Variants in PCDHGA7 observed in about 807,000 individuals in gnomAD.
PCDHGA7 encodes the protein protocadherin gamma subfamily A, 7.
PCDHGA7 carries 44 observed loss-of-function variants against 58.3 expected under a neutral mutation model. That is an observed-to-expected ratio of 0.75 (90% CI 0.59 to 0.97). The LOEUF is 0.97. PCDHGA7 is among the 50% of genes least tolerant of loss of function. The probability of loss-of-function intolerance (pLI) is 0.00; values close to 1 mark genes in which losing one functional copy is unlikely to be tolerated. For synonymous variants in PCDHGA7, 516 were observed against 504.2 expected (o/e 1.02, Z -0.31); for missense variants, 1,266 against 1,188.7 (o/e 1.06, Z -0.96).
rs958046112 is a variant in PCDHGA7 at position 141,382,988 on chromosome 5, G to A, written c.89G>A (p.Arg30His). 1 of 1,613,208 alleles carries A rather than the reference G, an allele frequency of 6.2e-7. No homozygotes were observed. The highest frequency in any genetic ancestry group is 2.2e-5 in the East Asian group (1 of 44,860). Residue 30 changes from arginine to histidine, a missense_variant, in exon 1 of 4, where the codon CGT (arginine) becomes CAT (histidine). Physicochemically the swap from Arg to His is conservative, Grantham distance 29. Transcript: ENST00000518325. ...LGTPWEAWAG[R>H]ILYSVSEETD... ...ACCCCCTGGGAAGCCTGGGCAGGACGTATTCTCTACTCCGTGTCGGAGGAG... is the reference window on the plus strand; with the variant it reads ...ACCCCCTGGGAAGCCTGGGCAGGACATATTCTCTACTCCGTGTCGGAGGAG...
intron 1 of PCDHGA7, chr5:141,421,696 A>G: frequency 6.2e-7 from 1 of 1,613,886 alleles, no homozygotes; most frequent in Non-Finnish European, 8.5e-7. Context: ...TGCTCTTCCT[A>G]ATGCTAGGGA....
At chr5:141,505,563 T>C in intron 3 of PCDHGA7, 82 bp downstream of exon 3, 1 of 1,603,814 alleles carries the variant, frequency 6.2e-7, no homozygotes, top group Non-Finnish European at 8.5e-7. Flanking sequence ...GCCCACGGAC[T>C]GGATGTCAAA....
intron 1 of PCDHGA7, among the ~76,000 whole-genome samples, chr5:141,467,790 C>T (rs1321576171): frequency 6.6e-6 from 1 of 152,118 alleles, no homozygotes; most frequent in Non-Finnish European, 1.5e-5. Context: ...TCTCAAGTAG[C>T]TGGGACTACA....
intron 1 of PCDHGA7, among the ~76,000 whole-genome samples, chr5:141,467,882 C>T (rs1278937609): frequency 6.6e-6 from 1 of 152,036 alleles, no homozygotes; most frequent in East Asian, 1.9e-4. Context: ...TGGTCTCAAA[C>T]TCCTGAGCTC....
At chr5:141,447,182 C>G (rs1205769161) in intron 1 of PCDHGA7, among the ~76,000 whole-genome samples, 1 of 152,126 alleles carries the variant, frequency 6.6e-6, no homozygotes, top group Non-Finnish European at 1.5e-5. Flanking sequence ...TCTTGTCGCG[C>G]AGGCTGGAGT....
chr5:141,476,098 G>A lies in PCDHGA7; in HGVS notation c.2425-18709G>A, dbSNP rs1241353656. The A allele has an allele frequency of 4.5e-6, 7 of 1,573,026 alleles. No homozygotes were observed. Among genetic ancestry groups the A allele is most frequent in the Non-Finnish European group, 6.0e-6 (7 of 1,163,102 alleles). ...AGGGACGATCTGGACCCCGCTGAGA[G>A]GAACTGCTTTTGAGTGAGATGGTCC... On this transcript the variant is annotated intron_variant, in intron 1 of 3. Transcript: ENST00000518325. This position sits in a 1 kb window ranked among gnomAD's most constrained non-coding sequence, Gnocchi z 7.6.
At chr5:141,506,805 G>A (rs1314432893) in intron 3 of PCDHGA7, among the ~76,000 whole-genome samples, 1 of 152,172 alleles carries the variant, frequency 6.6e-6, no homozygotes, top group African/African-American at 2.4e-5. Flanking sequence ...GAGGATCAAG[G>A]CATTGCCCTA....
At chr5:141,428,003 C>T in intron 1 of PCDHGA7, 1 of 1,601,362 alleles carries the variant, frequency 6.2e-7, no homozygotes, top group East Asian at 2.2e-5. Flanking sequence ...CCGCACTCTT[C>T]GATATAGTGC....
At chr5:141,423,415 G>A (rs779262475) in intron 1 of PCDHGA7, 103 of 1,614,016 alleles carry the variant, frequency 6.4e-5, no homozygotes, top group African/African-American at 1.2e-4. Context: ...GCAGGCTTCT[G>A]AAGGCGGGTT....
At chr5:141,465,923 C>G (rs908350232) in intron 1 of PCDHGA7, among the ~76,000 whole-genome samples, 2 of 152,062 alleles carry the variant, frequency 1.3e-5, no homozygotes, top group African/African-American at 4.8e-5. Flanking sequence ...GATTTCGAGT[C>G]CATCCTGGCT....
At chr5:141,428,362 G>T (rs868168419) in intron 1 of PCDHGA7, 2 of 556,756 alleles carry the variant, frequency 3.6e-6, no homozygotes, top group Non-Finnish European at 6.6e-6. Context: ...TTTGGCGGTC[G>T]CCTTGCACCT....
At position 141,383,729 on chromosome 5, in the gene PCDHGA7, TGA is replaced by T. The variant is rs1406908014; in HGVS notation, c.831_832del (p.Thr278IlefsTer9). Reference sequence around the variant, plus strand: ...CTGGACGAGGGAGTCAATGGGGAAGTGACATATTCTTTTCGGAAAATAACTCC... The same window carrying T: ...CTGGACGAGGGAGTCAATGGGGAAGTCATATTCTTTTCGGAAAATAACTCC... On this transcript the variant is annotated frameshift_variant, in exon 1 of 4. Transcript: ENST00000518325. LOFTEE classifies it high-confidence loss of function. 1.9e-6 allele frequency: 3 copies of T among 1,613,866 alleles called. No homozygotes were observed. The highest frequency in any genetic ancestry group is 2.5e-6 in the Non-Finnish European group (3 of 1,179,882).
rs888389135 is a variant in PCDHGA7 at position 141,487,089 on chromosome 5, C to T, written c.2425-7718C>T. 12 of 1,613,882 alleles carry T rather than the reference C, an allele frequency of 7.4e-6. No individual in the cohort carries two copies. Among genetic ancestry groups the T allele is most frequent in the Non-Finnish European group, 1.0e-5 (12 of 1,179,768 alleles). On this transcript the variant is annotated intron_variant, in intron 1 of 3. Coordinates refer to ENST00000518325, the MANE Select transcript of PCDHGA7 (RefSeq NM_018920.4). The surrounding 1 kb of genome is among the most constrained non-coding windows in gnomAD (Gnocchi z 5.0). The stretch of plus-strand genomic sequence containing the variant: ...GCTGTTCCTATCCCAGCTGACCTCC[C>T]ACCACAGAAGCTGGTCATTGTGGTA...
chr5:141,487,695 C>T lies in PCDHGA7; in HGVS notation c.2425-7112C>T, dbSNP rs1345224043. The stretch of plus-strand genomic sequence containing the variant: ...TGGCTAGGCCATGTCCTAGAGAGTA[C>T]TGGCCTCTCAGTAAGTGCCCATAGT... On this transcript the variant is annotated intron_variant, in intron 1 of 3. Coordinates refer to ENST00000518325, the MANE Select transcript of PCDHGA7 (RefSeq NM_018920.4). The surrounding 1 kb of genome is among the most constrained non-coding windows in gnomAD (Gnocchi z 5.0). 2 of 1,601,306 alleles carry T rather than the reference C, an allele frequency of 1.2e-6. No individual in the cohort carries two copies. Among genetic ancestry groups the T allele is most frequent in the East Asian group, 2.2e-5 (1 of 44,606 alleles).
rs1591227595 is a variant in PCDHGA7 at position 141,432,858 on chromosome 5, T to C, written c.2424+47535T>C. ...TACCTGGTGGTAGCGGTGGCCGCGG[T>C]CTCCTGCGTCTTCCTGGCCTTCGTC... On this transcript the variant is annotated intron_variant, in intron 1 of 3. Coordinates refer to ENST00000518325, the MANE Select transcript of PCDHGA7 (RefSeq NM_018920.4). This position sits in a 1 kb window ranked among gnomAD's most constrained non-coding sequence, Gnocchi z 6.0. The C allele has an allele frequency of 1.2e-6, 2 of 1,614,140 alleles. No individual in the cohort carries two copies. Among genetic ancestry groups the C allele is most frequent in the Non-Finnish European group, 8.5e-7 (1 of 1,179,996 alleles).
At chr5:141,468,802 C>G (rs928501013) in intron 1 of PCDHGA7, among the ~76,000 whole-genome samples, 1 of 151,620 alleles carries the variant, frequency 6.6e-6, no homozygotes, top group African/African-American at 2.4e-5. Context: ...GGAGGCGGAA[C>G]TTGCAGTGAG....
chr5:141,485,065 A>G lies in PCDHGA7; in HGVS notation c.2425-9742A>G, dbSNP rs527439590. On this transcript the variant is annotated intron_variant, in intron 1 of 3. Transcript: ENST00000518325. The surrounding 1 kb of genome is among the most constrained non-coding windows in gnomAD (Gnocchi z 5.7). ...TGCGGCGCCGGCCGAACCGCGCCAG[A>G]GCTGGCGCGGGGAAAGGGAGATAGG... The G allele has an allele frequency of 4.2e-5, 37 of 877,696 alleles. No individual in the cohort carries two copies. Among genetic ancestry groups the G allele is most frequent in the Non-Finnish European group, 6.5e-5 (36 of 552,826 alleles). The allele number at this position is 877,696 out of a possible 1,614,324, so 54.4% of individuals were successfully genotyped here. A position where few individuals can be genotyped will look rare whatever the true frequency, so the allele number is the denominator to read the frequency against.
At chr5:141,479,740 C>T (rs1434967266) in intron 1 of PCDHGA7, 1 of 152,168 alleles carries the variant, frequency 6.6e-6, no homozygotes, top group Non-Finnish European at 1.5e-5. Context: ...AGTATATGCA[C>T]AATGTGAAAG....
At chr5:141,397,304 A>G (rs1206880219) in intron 1 of PCDHGA7, among the ~76,000 whole-genome samples, 2 of 152,202 alleles carry the variant, frequency 1.3e-5, no homozygotes, top group Non-Finnish European at 2.9e-5. Context: ...TATTTCCTGA[A>G]GTAGAAGAGT....
Sources: allele counts gnomAD v4.1 joint callset (sites outside exome capture counted in the v4.1 genomes callset), GRCh38; gene constraint gnomAD v4.1.1; non-coding constraint Gnocchi (gnomAD v3.1); transcripts MANE v1.5; gene names NCBI Gene and HGNC (gene_info 2026-07-23, HGNC 2026-07-21).